PPARGC1A: variants seen among roughly 807,000 people sequenced by gnomAD.
PPARGC1A encodes PPARG coactivator 1 alpha.
A neutral mutation model predicts 88.7 loss-of-function variants in PPARGC1A; 25 were observed. The ratio of observed to expected loss-of-function variants is 0.28; its 90% CI spans 0.21 to 0.39. The LOEUF is 0.39. Among genes scored for constraint, PPARGC1A ranks in the 10% least tolerant of loss-of-function variants. The pLI, the probability that PPARGC1A is intolerant of heterozygous loss-of-function variation, is 1.00. For missense variants in PPARGC1A, 880 were observed against 968.7 expected (o/e 0.91, Z 1.22); for synonymous variants, 363 against 355.6 (o/e 1.02, Z -0.24).
chr4:24,195,083 T>C, the PPARGC1A span, among the ~76,000 whole-genome samples: 2 of 152,200 alleles, frequency 1.3e-5, no homozygotes, highest in African/African-American at 4.8e-5. Flanking sequence ...TGGATATAGA[T>C]ACAGATATCT....
At chr4:24,427,552 G>C in the PPARGC1A span, among the ~76,000 whole-genome samples, 4 of 152,028 alleles carry the variant, frequency 2.6e-5, no homozygotes, top group African/African-American at 9.7e-5. Context: ...TGTTTTTTCA[G>C]GTGAAACACT....
the PPARGC1A span, among the ~76,000 whole-genome samples, chr4:24,114,202 C>G: frequency 3.3e-5 from 5 of 151,558 alleles, no homozygotes. Context: ...TGAACAAACC[C>G]TGGGACCACC....
chr4:24,269,587 C>T, the PPARGC1A span, among the ~76,000 whole-genome samples: 3 of 152,178 alleles, frequency 2.0e-5, no homozygotes, highest in Non-Finnish European at 2.9e-5. Flanking sequence ...ATAGACTACG[C>T]GAGTATAATA....
intron 10 of PPARGC1A, among the ~76,000 whole-genome samples, chr4:23,809,455 T>G (rs1311319546): frequency 1.3e-5 from 2 of 152,204 alleles, no homozygotes; most frequent in African/African-American, 4.8e-5. Context: ...AGTGTTCCAA[T>G]TAAACGACTA....
At chr4:24,273,777 C>A in the PPARGC1A span, among the ~76,000 whole-genome samples, 1 of 139,158 alleles carries the variant, frequency 7.2e-6, no homozygotes, top group Admixed American at 7.7e-5. Flanking sequence ...GTTGCCCAGG[C>A]TGGAGTGCAA....
chr4:24,026,764 G>A, the PPARGC1A span, among the ~76,000 whole-genome samples: 2 of 152,046 alleles, frequency 1.3e-5, no homozygotes, highest in Admixed American at 1.3e-4. Context: ...TAAGGAGCAG[G>A]GTGTATAGGA....
the PPARGC1A span, among the ~76,000 whole-genome samples, chr4:24,343,307 G>T: frequency 2.0e-5 from 3 of 152,164 alleles, no homozygotes; most frequent in Non-Finnish European, 4.4e-5. Context: ...AGTATTAAAA[G>T]GTGGTGCCTT....
the PPARGC1A span, among the ~76,000 whole-genome samples, chr4:23,998,684 C>T: frequency 2.6e-5 from 4 of 152,260 alleles, no homozygotes; most frequent in African/African-American, 9.6e-5. Flanking sequence ...ATAATTTTGT[C>T]TCTTTAAAAT....
chr4:24,102,797 T>C, the PPARGC1A span, among the ~76,000 whole-genome samples: 1 of 152,196 alleles, frequency 6.6e-6, no homozygotes, highest in Non-Finnish European at 1.5e-5. Context: ...GGGAGGCCTC[T>C]TCTCCAGAAG....
chr4:24,007,956 C>T, the PPARGC1A span, among the ~76,000 whole-genome samples: 4 of 152,130 alleles, frequency 2.6e-5, no homozygotes, highest in South Asian at 2.1e-4. Flanking sequence ...GCCATTCCGT[C>T]GTCTCCCGCT....
the PPARGC1A span, among the ~76,000 whole-genome samples, chr4:24,455,402 G>C: frequency 6.6e-6 from 1 of 152,198 alleles, no homozygotes; most frequent in African/African-American, 2.4e-5. Flanking sequence ...GATCACTTGA[G>C]TCTTGGAGTT....
chr4:23,931,670 C>A, the PPARGC1A span, among the ~76,000 whole-genome samples: 1 of 152,064 alleles, frequency 6.6e-6, no homozygotes, highest in African/African-American at 2.4e-5. Flanking sequence ...TACCTAACAC[C>A]TCTCTCTAAG....
chr4:24,354,020 G>A, the PPARGC1A span, among the ~76,000 whole-genome samples: 2 of 152,188 alleles, frequency 1.3e-5, no homozygotes, highest in East Asian at 1.9e-4. Flanking sequence ...AGTCTGCCGC[G>A]GTCTCACCAG....
chr4:24,190,783 G>C, the PPARGC1A span, among the ~76,000 whole-genome samples: 1 of 152,226 alleles, frequency 6.6e-6, no homozygotes, highest in Non-Finnish European at 1.5e-5. Flanking sequence ...TAGAAATAGA[G>C]GCAAACTCCA....
chr4:24,444,310 G>C, the PPARGC1A span, among the ~76,000 whole-genome samples: 1 of 152,134 alleles, frequency 6.6e-6, no homozygotes, highest in Non-Finnish European at 1.5e-5. Context: ...TGGGATTACA[G>C]GTGTGAGCCA....
At chr4:24,266,230 G>T in the PPARGC1A span, among the ~76,000 whole-genome samples, 280 of 152,312 alleles carry the variant, frequency 1.8e-3, no homozygotes, top group Non-Finnish European at 3.6e-3. Context: ...GAACTGCCCA[G>T]TGAATAAGTT....
At chr4:23,957,294 T>C in the PPARGC1A span, among the ~76,000 whole-genome samples, 1 of 151,948 alleles carries the variant, frequency 6.6e-6, no homozygotes, top group Non-Finnish European at 1.5e-5. Flanking sequence ...GCCAACAGAG[T>C]CATTTTGTTT....
the PPARGC1A span, among the ~76,000 whole-genome samples, chr4:24,180,064 G>T: frequency 6.6e-6 from 1 of 152,122 alleles, no homozygotes; most frequent in African/African-American, 2.4e-5. Context: ...TGCAATGAAT[G>T]ACTGTGTCGA....
At chr4:24,370,323 T>C in the PPARGC1A span, among the ~76,000 whole-genome samples, 3 of 152,182 alleles carry the variant, frequency 2.0e-5, no homozygotes, top group African/African-American at 7.2e-5. Flanking sequence ...ATGGGCACTT[T>C]CATATGGTTT....
Sources: gnomAD v4.1 joint callset for allele counts (sites outside exome capture counted in the v4.1 genomes callset) on GRCh38, gnomAD v4.1.1 for gene constraint, MANE v1.5 for transcripts, NCBI Gene and HGNC (gene_info 2026-07-23, HGNC 2026-07-21) for gene names.